SNRNP200: variants seen among roughly 807,000 people sequenced by gnomAD.
SNRNP200 encodes the protein U5 small nuclear ribonucleoprotein 200 kDa helicase.
A neutral mutation model predicts 255.2 loss-of-function variants in SNRNP200; 66 were observed. The ratio of observed to expected loss-of-function variants is 0.26; its 90% confidence interval spans 0.21 to 0.32. The LOEUF (loss-of-function observed/expected upper bound fraction) is 0.32, where lower values mean the gene tolerates loss of function less well. SNRNP200 is among the 10% of genes least tolerant of loss of function. SNRNP200 has a pLI of 1.00. For synonymous variants in SNRNP200, 939 were observed against 1,027.8 expected (o/e 0.91, Z 1.65); for missense variants, 1,585 against 2,749.8 (o/e 0.58, Z 9.47).
At chr2:96,279,081 T>C in intron 36 of SNRNP200, 83 bp from the exon 37 acceptor site, 21 of 1,139,060 alleles carry the variant, frequency 1.8e-5, no homozygotes, top group Non-Finnish European at 2.8e-5. Context: ...CAACAGGGCA[T>C]GGTCCCTGTG....
At position 96,301,687 on chromosome 2, in the gene SNRNP200, A is replaced by T; in HGVS notation, c.411T>A (p.Asp137Glu). 1 of 1,614,130 alleles carries T rather than the reference A, an allele frequency of 6.2e-7. No individual in the cohort carries two copies. The highest frequency in any genetic ancestry group is 8.5e-7 in the Non-Finnish European group (1 of 1,180,024). The stretch of plus-strand genomic sequence containing the variant: ...CATTCTTTAGAACAGCTAGAACTTC[A>T]TCAGCTGCCCCACAAAGGATATCAC... ...QPRDILCGAA[D>E]EVLAVLKNEK... The change falls in exon 4 of 45, where the codon GAT becomes GAA. Residue 137 changes from aspartate to glutamate, a missense_variant. Coordinates refer to ENST00000323853, the MANE Select transcript of SNRNP200 (RefSeq NM_014014.5).
chr2:96,290,207 G>A lies in SNRNP200; in HGVS notation c.2742+119C>T. ...AACTATCTGCCAGACCCAAGATGTG[G>A]GTGCAGGGATGGAAGGCCTCGGACG... On this transcript the variant is annotated intron_variant, in intron 20 of 44. Transcript: ENST00000323853. The surrounding 1 kb of genome is among the most constrained non-coding windows in gnomAD (Gnocchi z 4.5). 8.6e-7 allele frequency: 1 copy of A among 1,166,438 alleles called. No individual in the cohort carries two copies. Among genetic ancestry groups the A allele is most frequent in the South Asian group, 1.2e-5 (1 of 81,370 alleles). 72.3% of individuals were successfully genotyped at this position (1,166,438 alleles called of 1,614,324 possible).
chr2:96,279,024 T>A (rs951092064), intron 36 of SNRNP200, 26 bp from the exon 37 acceptor site: 3 of 1,584,918 alleles, frequency 1.9e-6, no homozygotes, highest in Middle Eastern at 1.7e-4. Flanking sequence ...GGAGAAGGAG[T>A]AATAAAGAAT....
rs745954848 is a variant in SNRNP200 at position 96,301,034 on chromosome 2, T to C, written c.594A>G (p.Thr198=). ...IQNMDDNIDE[T]YGVNVQFESD... is the part of the protein sequence containing the mutation. The stretch of plus-strand genomic sequence containing the variant: ...ACTCAAACTGCACATTCACACCGTA[T>C]GTCTCATCAATGTTGTCATCTGAAA... Residue 198 remains threonine (T), a synonymous_variant, in exon 5 of 45, where the codon ACA becomes ACG. Transcript: ENST00000323853. 13 of 1,614,038 alleles carry C rather than the reference T, an allele frequency of 8.1e-6. No individual in the cohort carries two copies. The highest frequency in any genetic ancestry group is 1.1e-5 in the Non-Finnish European group (13 of 1,179,916).
In SNRNP200 at chr2:96,285,076, C is replaced by G. The variant is rs900386929; in HGVS notation, c.4164+104G>C. On this transcript the variant is annotated intron_variant, in intron 30 of 44. Transcript: ENST00000323853. The stretch of plus-strand genomic sequence containing the variant: ...GGGCAGCTTTTCTTTAATACACAAA[C>G]TGAGGAAATGACCCTGCAAATTTCA... 2.2e-6 allele frequency: 3 copies of G among 1,387,062 alleles called. No homozygotes were observed. The African/African-American group carries it at 4.3e-5, about 20-fold the overall frequency. 85.9% of individuals were successfully genotyped at this position (1,387,062 alleles called of 1,614,324 possible).
rs2063844073 is a variant in SNRNP200, at chr2:96,286,475, G to T, written c.3839C>A (p.Thr1280Asn). ...GTGCCGGAAGGAGACAGGCAGCTGGGTCTCACAAGCTGCCAGAAAAGAAAC... is the reference window on the plus strand; with the variant it reads ...GTGCCGGAAGGAGACAGGCAGCTGGTTCTCACAAGCTGCCAGAAAAGAAAC... Reference protein sequence around the residue: ...VVSDRWLSCETQLPVSFRHLI... With the variant: ...VVSDRWLSCENQLPVSFRHLI... Residue 1280 changes from threonine to asparagine, a missense_variant, in exon 29 of 45, where the codon ACC becomes AAC. This residue lies in a region of SNRNP200 where 719 missense variants were observed against 1,091.1 expected (regional missense o/e 0.66). Transcript: ENST00000323853. This position sits in a 1 kb window ranked among gnomAD's most constrained non-coding sequence, Gnocchi z 4.8. The T allele has an allele frequency of 6.2e-7, 1 of 1,613,978 alleles. No homozygotes were observed. The highest frequency in any genetic ancestry group is 1.1e-5 in the South Asian group (1 of 91,074).
chr2:96,288,768 C>T, intron 23 of SNRNP200, 22 bp from the exon 24 acceptor site: 1 of 1,596,310 alleles, frequency 6.3e-7, no homozygotes, highest in Non-Finnish European at 8.6e-7. Context: ...CAAAATCAGC[C>T]AGCAGGAGAC....
Position 96,278,440 on chromosome 2 carries a change from G to A in SNRNP200, c.5489-82C>T, listed in dbSNP as rs1684705337. On this transcript the variant is annotated intron_variant, in intron 38 of 44. Coordinates refer to ENST00000323853, the MANE Select transcript of SNRNP200 (RefSeq NM_014014.5). This position sits in a 1 kb window ranked among gnomAD's most constrained non-coding sequence, Gnocchi z 6.9. ...TGCCCGGGCTCCCCTGCTGTCCCCT[G>A]CAGTGTCATCCCGCTGACAAACACG... 6.2e-7 allele frequency: 1 copy of A among 1,611,300 alleles called. No homozygotes were observed. Among genetic ancestry groups the A allele is most frequent in the Middle Eastern group, 1.7e-4 (1 of 6,046 alleles).
intron 34 of SNRNP200, chr2:96,282,244 G>A (rs2063804126): frequency 3.0e-6 from 1 of 338,388 alleles, no homozygotes; most frequent in South Asian, 3.0e-5. Flanking sequence ...GCAGCCACGG[G>A]CTGGCTCAGC....
intron 11 of SNRNP200, 114 bp downstream of exon 11, chr2:96,297,249 A>G (rs1242292728): frequency 2.6e-6 from 4 of 1,520,166 alleles, no homozygotes; most frequent in Non-Finnish European, 3.6e-6. Flanking sequence ...ATTCTGTTGC[A>G]GCTTTCAGCC....
At chr2:96,276,637 G>C (rs1684666485) in intron 43 of SNRNP200, 2 of 460,882 alleles carry the variant, frequency 4.3e-6, no homozygotes, top group South Asian at 3.8e-5. Flanking sequence ...GGCCAGGCTG[G>C]TCTCGAACTC....
rs527995645 is a variant in SNRNP200, at chr2:96,278,644, C to T, written c.5391G>A (p.Glu1797=). ...CCTCGATGCTGATGCACTTGGACTGCTCCAGGTCACTCAGGGTCTGCTCCA... is the reference window on the plus strand; with the variant it reads ...CCTCGATGCTGATGCACTTGGACTGTTCCAGGTCACTCAGGGTCTGCTCCA... ...ELVEQTLSDL[E]QSKCISIEDE... Residue 1797 remains glutamate, a synonymous_variant, in exon 38 of 45, where the codon GAG becomes GAA. Coordinates refer to ENST00000323853, the MANE Select transcript of SNRNP200 (RefSeq NM_014014.5). This position sits in a 1 kb window ranked among gnomAD's most constrained non-coding sequence, Gnocchi z 6.9. 9 of 1,614,254 alleles carry T rather than the reference C, an allele frequency of 5.6e-6. No individual in the cohort carries two copies. In the South Asian group the frequency reaches 7.7e-5, roughly 14 times the overall value.
intron 1 of SNRNP200, 88 bp from the exon 2 acceptor site, chr2:96,304,956 T>C (rs1489358737): frequency 4.9e-6 from 7 of 1,417,486 alleles, no homozygotes; most frequent in Non-Finnish European, 6.9e-6. Flanking sequence ...GAAAAAATCG[T>C]AGTAACTAGT....
chr2:96,284,627 C>G lies in SNRNP200; in HGVS notation c.4165-42G>C, dbSNP rs754623906. ...GGAGGCAGAACAACACTAGGCCATA[C>G]CAGGCATCTTTCACTTATGTGAGGA... On this transcript the variant is annotated intron_variant, in intron 30 of 44. Coordinates refer to ENST00000323853, the MANE Select transcript of SNRNP200 (RefSeq NM_014014.5). 5 of 1,370,672 alleles carry G rather than the reference C, an allele frequency of 3.6e-6. No individual in the cohort carries two copies. In the Admixed American group the frequency reaches 5.0e-5, roughly 14 times the overall value. 84.9% of individuals were successfully genotyped at this position (1,370,672 alleles called of 1,614,324 possible). A position where few individuals can be genotyped will look rare whatever the true frequency, so the allele number is the denominator to read the frequency against.
rs1272179632 is a variant in SNRNP200, at chr2:96,291,688, TG to T, written c.2310+62del. 6.3e-7 allele frequency: 1 copy of T among 1,588,196 alleles called. No homozygotes were observed. Among genetic ancestry groups the T allele is most frequent in the African/African-American group, 1.3e-5 (1 of 74,486 alleles). ...ACAGTACAGTCCTAGAGGAGCTGTC[TG>T]GGGCCTGAGATGGACACAGCTGCCA... is the stretch of plus-strand genomic sequence containing the variant. On this transcript the variant is annotated intron_variant, in intron 17 of 44. Transcript: ENST00000323853. The surrounding 1 kb of genome is among the most constrained non-coding windows in gnomAD (Gnocchi z 4.2).
At position 96,291,163 on chromosome 2, in the gene SNRNP200, A is replaced by T. The variant is rs1480985485; in HGVS notation, c.2421+229T>A. On this transcript the variant is annotated intron_variant, in intron 18 of 44. Transcript: ENST00000323853. This position sits in a 1 kb window ranked among gnomAD's most constrained non-coding sequence, Gnocchi z 4.2. ...CTGTTTGGAGCTATCTGAAGTCACC[A>T]AAGTGCTTGCTTCACTATGCTTCTC... 6.6e-6 allele frequency among the ~76,000 whole-genome samples: 1 copy of T among 152,188 alleles called. No individual in the cohort carries two copies. Among genetic ancestry groups the T allele is most frequent in the Admixed American group, 6.5e-5 (1 of 15,278 alleles).
Position 96,293,483 on chromosome 2 carries a change from G to A in SNRNP200, c.1869C>T (p.Asp623=), listed in dbSNP as rs140365889. 3.1e-6 allele frequency: 5 copies of A among 1,612,330 alleles called. No homozygotes were observed. The highest frequency in any genetic ancestry group is 1.3e-5 in the African/African-American group (1 of 74,886). The change falls in exon 15 of 45, where the codon GAC becomes GAT. Residue 623 remains aspartate (D), a synonymous_variant. Coordinates refer to ENST00000323853, the MANE Select transcript of SNRNP200 (RefSeq NM_014014.5). The part of the protein sequence containing the change: ...ILDEIHLLHD[D]RGPVLEALVA... The stretch of plus-strand genomic sequence containing the variant: ...CTAAAGCTTCTAAGACAGGACCTCT[G>A]TCATCGTGGAGAAGATGAATCTCAT...
chr2:96,277,784 T>C lies in SNRNP200; in HGVS notation c.5754+23A>G. 1.2e-6 allele frequency: 2 copies of C among 1,614,150 alleles called. No homozygotes were observed. The highest frequency in any genetic ancestry group is 1.7e-6 in the Non-Finnish European group (2 of 1,180,042). ...AGATGTTTAGAGCACCACTGACCCC[T>C]CTGCCCCACACCCACACTCTACCTT... On this transcript the variant is annotated intron_variant, in intron 40 of 44. Coordinates refer to ENST00000323853, the MANE Select transcript of SNRNP200 (RefSeq NM_014014.5). This position sits in a 1 kb window ranked among gnomAD's most constrained non-coding sequence, Gnocchi z 4.4.
At chr2:96,289,500 C>CA (rs2063870244) in intron 21 of SNRNP200, 121 bp from the exon 22 acceptor site, 1 of 1,048,464 alleles carries the variant, frequency 9.5e-7, no homozygotes, top group Admixed American at 1.9e-5. Context: ...GTATATGACC[C>CA]AATGTCATTA....
Sources: gnomAD v4.1 joint callset for allele counts (sites outside exome capture counted in the v4.1 genomes callset) on GRCh38, gnomAD v4.1.1 for gene constraint, gnomAD v4.1.1 regional missense constraint, Gnocchi (gnomAD v3.1) non-coding constraint, MANE v1.5 for transcripts, NCBI Gene and HGNC (gene_info 2026-07-23, HGNC 2026-07-21) for gene names.